ART1: variants seen among roughly 807,000 people sequenced by gnomAD.
ART1 encodes the protein ADP-ribosyltransferase 1.
A neutral mutation model predicts 27.0 loss-of-function variants in ART1; 29 were observed. That is an observed-to-expected ratio of 1.08 (90% CI 0.80 to 1.47). ART1 has a LOEUF of 1.47. Ranked by LOEUF, ART1 falls within the 40% of genes most tolerant of loss-of-function variation. The probability of loss-of-function intolerance (pLI) is 0.00; values close to 1 mark genes in which losing one functional copy is unlikely to be tolerated. For missense variants in ART1, 480 were observed against 423.0 expected (o/e 1.13, Z -1.18); for synonymous variants, 201 against 172.2 (o/e 1.17, Z -1.31).
intron 1 of ART1, among the ~76,000 whole-genome samples, chr11:3,648,208 ACT>A (rs1415456398): frequency 2.2e-4 from 33 of 151,588 alleles, no homozygotes; most frequent in African/African-American, 7.8e-4. Flanking sequence ...CCCTTCGCTG[ACT>A]CTCTTTTCGG....
In ART1 at chr11:3,664,074, T is replaced by A. The variant is rs757424017; in HGVS notation, c.887-18T>A. On this transcript the variant is annotated intron_variant, in intron 4 of 4. Transcript: ENST00000250693. ...TTCTCTCTCTCTCCCCCAACCTCTC[T>A]GCCTGTTTTCCCTGCAGCCATGGGT... 2.5e-6 allele frequency: 4 copies of A among 1,612,960 alleles called. No homozygotes were observed. Among genetic ancestry groups the A allele is most frequent in the Non-Finnish European group, 3.4e-6 (4 of 1,179,604 alleles).
At position 3,659,823 on chromosome 11, in the gene ART1, CG is replaced by C. The variant is rs748214101; in HGVS notation, c.305del (p.Arg102LeufsTer57). ...GCCAGAGTGGAGTCTCAGCCCCACCCGTCCATCCCCGCCACCCCTGGGCTTC... is the reference window on the plus strand; with the variant it reads ...GCCAGAGTGGAGTCTCAGCCCCACCCTCCATCCCCGCCACCCCTGGGCTTC... ...RWPEWSLSPT[R>X]PSPPPLGFRD... On this transcript the variant is annotated frameshift_variant, in exon 3 of 5. Coordinates refer to ENST00000250693, the MANE Select transcript of ART1 (RefSeq NM_004314.3). LOFTEE classifies it high-confidence loss of function. 6.2e-7 allele frequency: 1 copy of C among 1,611,800 alleles called. No individual in the cohort carries two copies. The highest frequency in any genetic ancestry group is 1.1e-5 in the South Asian group (1 of 90,892).
chr11:3,647,964 C>A (rs2133945885), intron 1 of ART1, among the ~76,000 whole-genome samples: 1 of 152,022 alleles, frequency 6.6e-6, no homozygotes, highest in Non-Finnish European at 1.5e-5. Flanking sequence ...GGCCTCTGAG[C>A]CGAAGCTAAG....
chr11:3,658,777 G>A (rs2077594111), intron 1 of ART1, among the ~76,000 whole-genome samples: 1 of 152,144 alleles, frequency 6.6e-6, no homozygotes, highest in Non-Finnish European at 1.5e-5. Context: ...GTCCTTTCAT[G>A]ACTGGCCCAT....
chr11:3,645,418 T>A (rs796181139), intron 1 of ART1, among the ~76,000 whole-genome samples: 80 of 152,234 alleles, frequency 5.3e-4, no homozygotes, highest in African/African-American at 1.9e-3. Context: ...GAGAAACTGA[T>A]GACAGAATTG....
intron 1 of ART1, among the ~76,000 whole-genome samples, chr11:3,654,963 G>T (rs191204289): frequency 3.9e-5 from 6 of 152,344 alleles, no homozygotes; most frequent in Admixed American, 2.6e-4. Context: ...GATACAGCTG[G>T]CCCAGTGGGC....
intron 4 of ART1, among the ~76,000 whole-genome samples, chr11:3,663,312 C>A (rs1398096255): frequency 1.3e-5 from 2 of 152,170 alleles, no homozygotes; most frequent in African/African-American, 4.8e-5. Flanking sequence ...CAGCTTCCAA[C>A]CCAGGCATCT....
At chr11:3,648,917 C>A (rs1417588571) in intron 1 of ART1, among the ~76,000 whole-genome samples, 1 of 152,024 alleles carries the variant, frequency 6.6e-6, no homozygotes, top group Non-Finnish European at 1.5e-5. Context: ...GGAAAGAACC[C>A]CCAATCCCTT....
chr11:3,662,740 A>G (rs2077629167), intron 4 of ART1, among the ~76,000 whole-genome samples: 2 of 152,350 alleles, frequency 1.3e-5, no homozygotes, highest in South Asian at 4.1e-4. Context: ...GCTACTCGGG[A>G]GACTGAGGCA....
At chr11:3,652,642 T>G (rs901803928) in intron 1 of ART1, among the ~76,000 whole-genome samples, 1 of 152,078 alleles carries the variant, frequency 6.6e-6, no homozygotes, top group Non-Finnish European at 1.5e-5. Flanking sequence ...CCAGACCAAC[T>G]TAGACTGTGC....
chr11:3,648,364 T>A (rs1039342042), intron 1 of ART1, among the ~76,000 whole-genome samples: 1 of 152,188 alleles, frequency 6.6e-6, no homozygotes. Context: ...TCCCCTGTCC[T>A]CCTGCTCTTT....
In ART1 at chr11:3,645,197, C is replaced by G. The variant is rs971576276; in HGVS notation, c.-53+18C>G. The G allele has an allele frequency of 6.6e-6, 1 of 152,104 alleles. No homozygotes were observed. The highest frequency in any genetic ancestry group is 1.5e-5 in the Non-Finnish European group (1 of 68,044). The allele number at this position is 152,104 out of a possible 1,614,324, so 9.4% of individuals were successfully genotyped here. A position where few individuals can be genotyped will look rare whatever the true frequency, so the allele number is the denominator to read the frequency against. Reference sequence around the variant, plus strand: ...AGGCCTAGGTAAGGAGTGCACCACTCTCCTCCTGGGTGCTGGGCAGGAAAA... The same window carrying G: ...AGGCCTAGGTAAGGAGTGCACCACTGTCCTCCTGGGTGCTGGGCAGGAAAA... On this transcript the variant is annotated intron_variant, in intron 1 of 4. Transcript: ENST00000250693.
intron 4 of ART1, among the ~76,000 whole-genome samples, chr11:3,663,002 A>C (rs1465355966): frequency 7.5e-6 from 1 of 133,676 alleles, no homozygotes; most frequent in Admixed American, 7.3e-5. Context: ...CTCCCCAGAC[A>C]TCATCTCATC....
Position 3,646,681 on chromosome 11 carries a change from G to A in ART1, c.-53+1502G>A, listed in dbSNP as rs940826416. ...CAGCCTTCTCTTTCCCTTGCTCTGG[G>A]GATCTCATCTCTTCCCTGATTTCAA... On this transcript the variant is annotated intron_variant, in intron 1 of 4. Coordinates refer to ENST00000250693, the MANE Select transcript of ART1 (RefSeq NM_004314.3). Among the ~76,000 whole-genome samples the A allele has an allele frequency of 2.6e-5, 4 of 152,140 alleles. No individual in the cohort carries two copies. The South Asian group carries it at 8.3e-4, about 32-fold the overall frequency.
At chr11:3,657,267 C>G (rs929903815) in intron 1 of ART1, among the ~76,000 whole-genome samples, 1 of 152,116 alleles carries the variant, frequency 6.6e-6, no homozygotes, top group Non-Finnish European at 1.5e-5. Flanking sequence ...GACTATATTA[C>G]CATTTGTGTA....
At position 3,647,235 on chromosome 11, in the gene ART1, T is replaced by C. The variant is rs139606390; in HGVS notation, c.-53+2056T>C. 4.1e-3 allele frequency among the ~76,000 whole-genome samples: 626 copies of C among 152,054 alleles called. 4 individuals are homozygous for C. Among genetic ancestry groups the C allele is most frequent in the African/African-American group, 0.014 (596 of 41,458 alleles). ...CTACTGGGGAGGCTGAGGCGGAGAA[T>C]TGCTTGAACCCGGGAGGCAGAGGTT... On this transcript the variant is annotated intron_variant, in intron 1 of 4. Transcript: ENST00000250693.
chr11:3,659,308 C>T, intron 2 of ART1, 32 bp downstream of exon 2: 6 of 1,613,724 alleles, frequency 3.7e-6, no homozygotes, highest in Non-Finnish European at 5.1e-6. Context: ...CCCACCCCAG[C>T]AGGGAACTGA....
At chr11:3,661,305 G>T in intron 3 of ART1, 67 bp from the exon 4 acceptor site, 3 of 1,448,014 alleles carry the variant, frequency 2.1e-6, no homozygotes, top group Non-Finnish European at 1.9e-6. Context: ...GACTACCAGG[G>T]CTCTGAGGTC....
At chr11:3,645,390 T>C (rs1448820794) in intron 1 of ART1, among the ~76,000 whole-genome samples, 1 of 152,156 alleles carries the variant, frequency 6.6e-6, no homozygotes, top group Non-Finnish European at 1.5e-5. Flanking sequence ...GGAGGGTATG[T>C]TCAGCAAGGG....
Sources: gnomAD v4.1 joint callset for allele counts (sites outside exome capture counted in the v4.1 genomes callset) on GRCh38, gnomAD v4.1.1 for gene constraint, MANE v1.5 for transcripts, NCBI Gene and HGNC (gene_info 2026-07-23, HGNC 2026-07-21) for gene names.